IGDCC3: variants seen among roughly 807,000 people sequenced by gnomAD.
The protein encoded by IGDCC3 is immunoglobulin superfamily DCC subclass member 3.
In IGDCC3, 47 loss-of-function variants were observed where a neutral mutation model predicts 72.0. The ratio of observed to expected loss-of-function variants is 0.65; its 90% confidence interval spans 0.52 to 0.83. IGDCC3 has a LOEUF of 0.83. Among genes scored for constraint, IGDCC3 ranks in the 40% least tolerant of loss-of-function variants. The pLI is 0.00. For synonymous variants in IGDCC3, 477 were observed against 472.8 expected, an observed-to-expected ratio of 1.01 and a Z score of -0.11; for missense variants, 1,038 against 1,091.3, an observed-to-expected ratio of 0.95 and a Z score of 0.69.
At chr15:65,364,611 G>T (rs902033963) in intron 2 of IGDCC3, among the ~76,000 whole-genome samples, 24 of 152,296 alleles carry the variant, frequency 1.6e-4, no homozygotes, top group African/African-American at 5.5e-4. Flanking sequence ...AGAGGGGCCG[G>T]GGCAGTGGCT....
chr15:65,375,170 T>A lies in IGDCC3; in HGVS notation c.336A>T (p.Glu112Asp). The change falls in exon 2 of 14, where the codon GAA becomes GAT. Residue 112 changes from glutamate to aspartate, a missense_variant. Glu to Asp is a conservative substitution (Grantham distance 45). Transcript: ENST00000327987. Reference sequence around the variant, plus strand: ...TCTGGGCCACACACTCATAGTCACCTTCATCCGAAGGGCTGCCTCCCGGCT... The same window carrying A: ...TCTGGGCCACACACTCATAGTCACCATCATCCGAAGGGCTGCCTCCCGGCT... Reference protein sequence around the residue: ...RLEPGGSPSDEGDYECVAQNR... With the variant: ...RLEPGGSPSDDGDYECVAQNR... 1 of 1,614,190 alleles carries A rather than the reference T, an allele frequency of 6.2e-7. No individual in the cohort carries two copies. Among genetic ancestry groups the A allele is most frequent in the East Asian group, 2.2e-5 (1 of 44,888 alleles).
intron 2 of IGDCC3, among the ~76,000 whole-genome samples, chr15:65,342,335 G>A (rs1482424482): frequency 6.6e-6 from 1 of 151,164 alleles, no homozygotes; most frequent in South Asian, 2.1e-4. Flanking sequence ...GGGGTGAGCC[G>A]AGATCACGCC....
rs576353424 is a variant in IGDCC3 at position 65,333,747 on chromosome 15, C to T, written c.824-332G>A. Among the ~76,000 whole-genome samples, 294 of 152,352 alleles carry T rather than the reference C, an allele frequency of 1.9e-3. 7 individuals are homozygous for T. The South Asian group carries it at 0.057, about 30-fold the overall frequency. ...CCAGCCTGGTTTGTCTCTCTGGATC[C>T]ATGGTCAAATATCCATTCTATGCCT... On this transcript the variant is annotated intron_variant, in intron 5 of 13. Coordinates refer to ENST00000327987, the MANE Select transcript of IGDCC3 (RefSeq NM_004884.4).
chr15:65,329,728 G>T lies in IGDCC3; in HGVS notation c.1995C>A (p.Gly665=). 6.2e-7 allele frequency: 1 copy of T among 1,614,034 alleles called. No individual in the cohort carries two copies. Among genetic ancestry groups the T allele is most frequent in the Non-Finnish European group, 8.5e-7 (1 of 1,179,996 alleles). ...CCTCTCCCTGGCCCAGGACCCACCT[G>T]CCCCTTTGGCCGAACAGGAGGAAGA... The part of the protein sequence containing the change: ...CVLFLLFGQR[G]RVLLCKDVEN... The change falls in exon 12 of 14, where the codon GGC becomes GGA. Residue 665 remains glycine (G), a splice_region_variant and synonymous_variant. Coordinates refer to ENST00000327987, the MANE Select transcript of IGDCC3 (RefSeq NM_004884.4). This position sits in a 1 kb window ranked among gnomAD's most constrained non-coding sequence, Gnocchi z 4.1.
At chr15:65,331,860 A>G (rs2090980746) in intron 7 of IGDCC3, 81 bp downstream of exon 7, 13 of 1,496,212 alleles carry the variant, frequency 8.7e-6, no homozygotes, top group South Asian at 7.5e-5. Context: ...GGAGGTGTAC[A>G]GCCTACTCAG....
chr15:65,341,558 C>T (rs1355836266), intron 2 of IGDCC3, among the ~76,000 whole-genome samples: 2 of 152,194 alleles, frequency 1.3e-5, no homozygotes, highest in East Asian at 3.8e-4. Context: ...GAAATCCTGA[C>T]ACATGCTACA....
At chr15:65,354,632 GAAC>G (rs1332590421) in intron 2 of IGDCC3, among the ~76,000 whole-genome samples, 1 of 152,130 alleles carries the variant, frequency 6.6e-6, no homozygotes, top group Non-Finnish European at 1.5e-5. Flanking sequence ...CCAGCACCTA[GAAC>G]AAATACTAGG....
rs1405532603 is a variant in IGDCC3 at position 65,330,328 on chromosome 15, C to T, written c.1823G>A (p.Arg608His). Reference sequence around the variant, plus strand: ...AGATGCTCCCCTCAAAGACACAAAGCGGACTGTGGCATTGCCATCTCCATG... The same window carrying T: ...AGATGCTCCCCTCAAAGACACAAAGTGGACTGTGGCATTGCCATCTCCATG... Reference protein sequence around the residue: ...NQHGDGNATVRFVSLRGASER... With the variant: ...NQHGDGNATVHFVSLRGASER... The change falls in exon 11 of 14, where the codon CGC becomes CAC. Residue 608 changes from arginine to histidine, a missense_variant. Physicochemically the swap from Arg to His is conservative, Grantham distance 29 (BLOSUM62 0). Coordinates refer to ENST00000327987, the MANE Select transcript of IGDCC3 (RefSeq NM_004884.4). The T allele has an allele frequency of 2.4e-5, 39 of 1,613,852 alleles. No homozygotes were observed. The highest frequency in any genetic ancestry group is 3.3e-4 in the Middle Eastern group (2 of 6,084).
rs140217366 is a variant in IGDCC3 at position 65,329,827 on chromosome 15, G to A, written c.1896C>T (p.Ala632=). 56 of 1,613,968 alleles carry A rather than the reference G, an allele frequency of 3.5e-5. No homozygotes were observed. Among genetic ancestry groups the A allele is most frequent in the Non-Finnish European group, 1.7e-5 (20 of 1,180,032 alleles). Reference sequence around the variant, plus strand: ...TGCCTGTGGTGGACGTCTGGTTGGCGGCCTCCTCCTTCCGGCAGTCACATG... The same window carrying A: ...TGCCTGTGGTGGACGTCTGGTTGGCAGCCTCCTCCTTCCGGCAGTCACATG... ...SPPCDCRKEE[A]ANQTSTTGIV... is the part of the protein sequence containing the mutation. The change falls in exon 12 of 14, where the codon GCC becomes GCT. Residue 632 remains alanine (A), a synonymous_variant. Coordinates refer to ENST00000327987, the MANE Select transcript of IGDCC3 (RefSeq NM_004884.4). This position sits in a 1 kb window ranked among gnomAD's most constrained non-coding sequence, Gnocchi z 4.1.
chr15:65,371,535 C>G (rs1056153352), intron 2 of IGDCC3, among the ~76,000 whole-genome samples: 3 of 152,232 alleles, frequency 2.0e-5, no homozygotes, highest in Non-Finnish European at 4.4e-5. Context: ...ATTGGCATTA[C>G]CTGGGCTCTT....
At chr15:65,361,009 C>T (rs1387013414) in intron 2 of IGDCC3, among the ~76,000 whole-genome samples, 1 of 152,112 alleles carries the variant, frequency 6.6e-6, no homozygotes, top group African/African-American at 2.4e-5. Flanking sequence ...ACTCCTGACT[C>T]AAATGATACA....
At chr15:65,348,680 G>A (rs529555470) in intron 2 of IGDCC3, among the ~76,000 whole-genome samples, 12 of 152,276 alleles carry the variant, frequency 7.9e-5, no homozygotes, top group East Asian at 1.9e-4. Context: ...GACCGACCCC[G>A]GGTTAGAGGC....
intron 2 of IGDCC3, 55 bp from the exon 3 acceptor site, chr15:65,336,011 G>A: frequency 1.3e-6 from 2 of 1,585,936 alleles, no homozygotes; most frequent in African/African-American, 1.3e-5. Flanking sequence ...GAAGGTAGGA[G>A]AGAATGGGCT....
chr15:65,329,213 C>T lies in IGDCC3; in HGVS notation c.2206-65G>A. On this transcript the variant is annotated intron_variant, in intron 13 of 13. Transcript: ENST00000327987. The surrounding 1 kb of genome is among the most constrained non-coding windows in gnomAD (Gnocchi z 4.1). ...CCAGGGCGCCAGGCTCCAACTCACC[C>T]CACTTGGGCCTTAGGGTCTCCAGGT... 6.5e-7 allele frequency: 1 copy of T among 1,545,044 alleles called. No individual in the cohort carries two copies. The highest frequency in any genetic ancestry group is 8.7e-7 in the Non-Finnish European group (1 of 1,150,858).
At position 65,333,337 on chromosome 15, in the gene IGDCC3, T is replaced by C; in HGVS notation, c.902A>G (p.His301Arg). The part of the protein sequence containing the change: ...NLIISDVTVQ[H>R]SGVYVCAANR... ...GGCTGCACAGACGTAGACGCCAGAG[T>C]GCTGGACCGTCACGTCTGAGATGAT... Residue 301 changes from histidine to arginine, a missense_variant, in exon 6 of 14, where the codon CAC becomes CGC. His to Arg is a conservative substitution (Grantham distance 29). Transcript: ENST00000327987. The C allele has an allele frequency of 1.9e-6, 3 of 1,612,990 alleles. No individual in the cohort carries two copies. Among genetic ancestry groups the C allele is most frequent in the Non-Finnish European group, 2.5e-6 (3 of 1,179,564 alleles).
At chr15:65,372,938 G>A (rs1026478841) in intron 2 of IGDCC3, among the ~76,000 whole-genome samples, 1 of 152,156 alleles carries the variant, frequency 6.6e-6, no homozygotes, top group Non-Finnish European at 1.5e-5. Context: ...GGGAGAGAGG[G>A]CCATGTCAGA....
chr15:65,373,867 G>C (rs922594064), intron 2 of IGDCC3: 5 of 152,334 alleles, frequency 3.3e-5, no homozygotes, highest in African/African-American at 1.2e-4. Context: ...GGGTGCAGGA[G>C]CTCACGCCTG....
Position 65,335,346 on chromosome 15 carries a change from C to T in IGDCC3, c.630G>A (p.Val210=). 3.7e-6 allele frequency: 6 copies of T among 1,613,836 alleles called. No individual in the cohort carries two copies. In the Admixed American group the frequency reaches 8.3e-5, roughly 22 times the overall value. The change falls in exon 4 of 14, where the codon GTG becomes GTA. Residue 210 remains valine, a synonymous_variant. Transcript: ENST00000327987. ...RAEDGGIFHC[V]ASNIASIRIS... ...TCCGGATACTGGCGATGTTTGAGGC[C>T]ACACAGTGGAAGATGCCACCGTCCT...
chr15:65,329,506 C>A lies in IGDCC3; in HGVS notation c.2089G>T (p.Ala697Ser), dbSNP rs1435574224. The A allele has an allele frequency of 6.2e-7, 1 of 1,607,790 alleles. No homozygotes were observed. Among genetic ancestry groups the A allele is most frequent in the Non-Finnish European group, 8.5e-7 (1 of 1,178,496 alleles). ...RDPGILALNGARRGQRGQLGR... is the reference protein window; with the variant it reads ...RDPGILALNGSRRGQRGQLGR... ...AGCTGGCCCCGCTGTCCCCGTCTCG[C>A]CCCATTTAGGGCTAGAATGCCAGGG... Residue 697 changes from alanine (A) to serine (S), a missense_variant, in exon 13 of 14, where the codon GCG becomes TCG. By Grantham distance (99) the Ala-to-Ser change is moderately conservative (BLOSUM62 1). Transcript: ENST00000327987. This position sits in a 1 kb window ranked among gnomAD's most constrained non-coding sequence, Gnocchi z 4.1.
Sources: gnomAD v4.1 joint callset for allele counts (sites outside exome capture counted in the v4.1 genomes callset) on GRCh38, gnomAD v4.1.1 for gene constraint, Gnocchi (gnomAD v3.1) non-coding constraint, MANE v1.5 for transcripts, NCBI Gene and HGNC (gene_info 2026-07-23, HGNC 2026-07-21) for gene names.